Variants in UNC13C observed in about 807,000 individuals in gnomAD.
UNC13C encodes the protein unc-13 homolog C, also known as protein unc-13 homolog C.
In UNC13C, 174 loss-of-function variants were observed where a neutral mutation model predicts 245.4. The observed-to-expected ratio is 0.71, with a 90% CI of 0.63 to 0.80. The LOEUF is 0.80. Among genes scored for constraint, UNC13C ranks in the 30% least tolerant of loss-of-function variants. UNC13C has a pLI of 0.00. For missense variants in UNC13C, 2,829 were observed against 2,602.9 expected (o/e 1.09, Z -1.89); for synonymous variants, 992 against 895.1 (o/e 1.11, Z -1.93).
chr15:53,868,447 T>C, the UNC13C span, among the ~76,000 whole-genome samples: 1 of 152,136 alleles, frequency 6.6e-6, no homozygotes, highest in Non-Finnish European at 1.5e-5. Flanking sequence ...CTTTGCTGGA[T>C]GTGGAGGTGA....
intron 19 of UNC13C, among the ~76,000 whole-genome samples, chr15:54,422,589 A>ATGACTTCCT (rs1317791607): frequency 6.6e-5 from 10 of 151,918 alleles, no homozygotes; most frequent in African/African-American, 2.4e-4. Flanking sequence ...CACTGTCCTC[A>ATGACTTCCT]TGACTTCCTT....
chr15:54,427,393 CA>C (rs925983121), intron 19 of UNC13C, among the ~76,000 whole-genome samples: 1 of 151,776 alleles, frequency 6.6e-6, no homozygotes, highest in Non-Finnish European at 1.5e-5. Flanking sequence ...CTCTTCCCAC[CA>C]TGATTCTGAG....
intron 7 of UNC13C, among the ~76,000 whole-genome samples, chr15:54,241,682 G>A (rs1174858079): frequency 5.3e-5 from 8 of 152,212 alleles, no homozygotes; most frequent in African/African-American, 1.9e-4. Context: ...TATGTAGAAA[G>A]CTCTTTGTTT....
chr15:54,013,643 T>G lies in UNC13C; in HGVS notation c.740T>G (p.Phe247Cys), dbSNP rs758633735. The change falls in exon 2 of 33, where the codon TTT (phenylalanine) becomes TGT (cysteine). Residue 247 changes from phenylalanine to cysteine, a missense_variant. Coordinates refer to ENST00000260323, the MANE Select transcript of UNC13C (RefSeq NM_001080534.3). ...ACACATGATGTCATGGAAATGATCTTTAAGGAACTTCAGGGAATAAGTCAG... is the reference window on the plus strand; with the variant it reads ...ACACATGATGTCATGGAAATGATCTGTAAGGAACTTCAGGGAATAAGTCAG... The part of the protein sequence containing the change: ...SQTHDVMEMI[F>C]KELQGISQIE... 1 of 1,613,818 alleles carries G rather than the reference T, an allele frequency of 6.2e-7. No homozygotes were observed. Among genetic ancestry groups the G allele is most frequent in the Non-Finnish European group, 8.5e-7 (1 of 1,179,838 alleles).
Position 54,567,915 on chromosome 15 carries a change from TA to T in UNC13C, c.6077del (p.Lys2026ArgfsTer4). 6.3e-7 allele frequency: 1 copy of T among 1,584,376 alleles called. No individual in the cohort carries two copies. The highest frequency in any genetic ancestry group is 1.2e-5 in the South Asian group (1 of 86,098). Reference sequence around the variant, plus strand: ...TATACCCAAACTACTGATGCCTTGATAAAGAAATTCATAGATACTCAAACCT... The same window carrying T: ...TATACCCAAACTACTGATGCCTTGATAAGAAATTCATAGATACTCAAACCT... ...SLYTQTTDAL[I>X]KKFIDTQTSQ... On this transcript the variant is annotated frameshift_variant, in exon 30 of 33. Coordinates refer to ENST00000260323, the MANE Select transcript of UNC13C (RefSeq NM_001080534.3). LOFTEE classifies it high-confidence loss of function.
chr15:54,287,528 C>G (rs572590322), intron 10 of UNC13C, among the ~76,000 whole-genome samples: 5 of 152,236 alleles, frequency 3.3e-5, no homozygotes, highest in African/African-American at 9.6e-5. Context: ...ACAAGAAGTT[C>G]AGATATAAGT....
intron 29 of UNC13C, among the ~76,000 whole-genome samples, chr15:54,567,440 T>G (rs1356907579): frequency 6.6e-6 from 1 of 152,148 alleles, no homozygotes; most frequent in Admixed American, 6.6e-5. Context: ...TTGGTATTTT[T>G]CTCATATTCA....
intron 19 of UNC13C, among the ~76,000 whole-genome samples, chr15:54,436,855 G>A (rs1012569721): frequency 6.6e-6 from 1 of 151,630 alleles, no homozygotes; most frequent in Admixed American, 6.6e-5. Flanking sequence ...GAAAAATTTA[G>A]AACAATAAAA....
chr15:53,982,884 C>G (rs1893980780), intron 1 of UNC13C, among the ~76,000 whole-genome samples: 1 of 152,142 alleles, frequency 6.6e-6, no homozygotes, highest in Non-Finnish European at 1.5e-5. Flanking sequence ...GACTCCATTT[C>G]AAATGTAGCT....
the UNC13C span, among the ~76,000 whole-genome samples, chr15:53,961,848 G>A: frequency 6.6e-6 from 1 of 152,134 alleles, no homozygotes; most frequent in Non-Finnish European, 1.5e-5. Context: ...ATCAGCATGA[G>A]AAATCTACAA....
intron 1 of UNC13C, among the ~76,000 whole-genome samples, chr15:53,993,951 C>A (rs1239885521): frequency 6.6e-6 from 1 of 151,912 alleles, no homozygotes; most frequent in Non-Finnish European, 1.5e-5. Context: ...TGAGAAGGAG[C>A]TTTTGATGGA....
the UNC13C span, among the ~76,000 whole-genome samples, chr15:53,931,413 C>G: frequency 0.028 from 4,283 of 152,254 alleles, 86 homozygotes; most frequent in East Asian, 0.071. Context: ...AAGTGATCCA[C>G]TCTTCTCGAC....
intron 14 of UNC13C, 138 bp from the exon 15 acceptor site, chr15:54,331,905 A>T: frequency 1.9e-6 from 1 of 522,956 alleles, no homozygotes; most frequent in Non-Finnish European, 3.3e-6. Context: ...GCCACATAGT[A>T]ACTTTATGAT....
At chr15:54,564,411 T>C (rs1184725656) in intron 29 of UNC13C, among the ~76,000 whole-genome samples, 1 of 152,024 alleles carries the variant, frequency 6.6e-6, no homozygotes, top group Non-Finnish European at 1.5e-5. Context: ...TATTTATGAT[T>C]TCATTTCCTG....
At chr15:54,143,571 G>A (rs2032122783) in intron 3 of UNC13C, 49 bp from the exon 4 acceptor site, 2 of 1,514,890 alleles carry the variant, frequency 1.3e-6, no homozygotes, top group Non-Finnish European at 1.8e-6. Context: ...TAAAACTGTA[G>A]TATGCTAAAA....
chr15:54,458,680 C>CTTTTTTTTTTTTTTTTTTTTT (rs79291504), intron 19 of UNC13C, among the ~76,000 whole-genome samples: 1 of 65,974 alleles, frequency 1.5e-5, no homozygotes, highest in Non-Finnish European at 2.6e-5. Context: ...CCTTTAAGGT[C>CTTTTTTTTTTTTTTTTTTTTT]TTTTTTTTTT....
At chr15:53,976,475 C>CTTTTTTTTTTTTTTT (rs879775519), upstream of UNC13C, among the ~76,000 whole-genome samples, 38 of 63,726 alleles carry the variant, frequency 6.0e-4, no homozygotes, top group Non-Finnish European at 9.7e-4. Context: ...CTCTCTCTCT[C>CTTTTTTTTTTTTTTT]TCTTTTTTTT....
At chr15:54,042,194 T>C (rs1280606694) in intron 2 of UNC13C, among the ~76,000 whole-genome samples, 1 of 152,182 alleles carries the variant, frequency 6.6e-6, no homozygotes, top group Non-Finnish European at 1.5e-5. Flanking sequence ...AATATCACAA[T>C]ACTTCAGAAT....
chr15:54,496,260 A>G (rs1373566680), intron 20 of UNC13C, among the ~76,000 whole-genome samples: 5 of 152,110 alleles, frequency 3.3e-5, no homozygotes, highest in Non-Finnish European at 7.4e-5. Flanking sequence ...AATAAAGGCC[A>G]TACTGAAAAT....
Sources: allele counts gnomAD v4.1 joint callset (sites outside exome capture counted in the v4.1 genomes callset), GRCh38; gene constraint gnomAD v4.1.1; transcripts MANE v1.5; gene names NCBI Gene and HGNC (gene_info 2026-07-23, HGNC 2026-07-21).